LACTB2: variants seen among roughly 807,000 people sequenced by gnomAD.
LACTB2 encodes endoribonuclease LACTB2.
LACTB2 carries 32 observed loss-of-function variants against 34.8 expected under a neutral mutation model. That is an observed-to-expected ratio of 0.92 (90% CI 0.69 to 1.24). The LOEUF (loss-of-function observed/expected upper bound fraction) is 1.24, where lower values mean the gene tolerates loss of function less well. LACTB2 is among the 50% of genes most tolerant of loss of function. The pLI, the probability that LACTB2 is intolerant of heterozygous loss-of-function variation, is 0.00. For missense variants in LACTB2, 320 were observed against 345.0 expected (o/e 0.93, Z 0.57); for synonymous variants, 120 against 117.5 (o/e 1.02, Z -0.14).
chr8:70,655,245 G>T (rs186224786), intron 3 of LACTB2, among the ~76,000 whole-genome samples: 2,401 of 146,998 alleles, frequency 0.016, 63 homozygotes, highest in African/African-American at 0.058. Flanking sequence ...TTGAGAGGGA[G>T]TTTCACTCTT....
chr8:70,655,753 T>C (rs550914560), intron 3 of LACTB2, among the ~76,000 whole-genome samples: 2 of 152,352 alleles, frequency 1.3e-5, no homozygotes, highest in East Asian at 3.9e-4. Context: ...GTTCTACTTT[T>C]AGTTCTTTAA....
chr8:70,665,277 A>T lies in LACTB2; in HGVS notation c.123-3380T>A, dbSNP rs538326665. On this transcript the variant is annotated intron_variant, in intron 1 of 6. Coordinates refer to ENST00000276590, the MANE Select transcript of LACTB2 (RefSeq NM_016027.3). ...GGGAAGAGTATGGATGAATCTGTAT[A>T]GGTCTATGAACGATTTATTCACTAG... 1.4e-4 allele frequency among the ~76,000 whole-genome samples: 21 copies of T among 152,348 alleles called. No homozygotes were observed. The South Asian group carries it at 4.1e-3, about 30-fold the overall frequency.
rs537591341 is a variant in LACTB2, at chr8:70,657,669, TC to T, written c.413+86del. On this transcript the variant is annotated intron_variant, in intron 3 of 6. Transcript: ENST00000276590. Reference sequence around the variant, plus strand: ...CTCAAACGATCTTCCCATCTCAGCCTCCCAAAATGCTGGGATCCTTCCATCC... The same window carrying T: ...CTCAAACGATCTTCCCATCTCAGCCTCCAAAATGCTGGGATCCTTCCATCC... 8.4e-5 allele frequency: 109 copies of T among 1,295,520 alleles called. 1 individual carries two copies. In the African/African-American group the frequency reaches 1.5e-3, roughly 18 times the overall value. The allele number at this position is 1,295,520 out of a possible 1,614,324, so 80.3% of individuals were successfully genotyped here.
At chr8:70,655,712 C>T (rs1818403754) in intron 3 of LACTB2, among the ~76,000 whole-genome samples, 1 of 152,168 alleles carries the variant, frequency 6.6e-6, no homozygotes, top group Non-Finnish European at 1.5e-5. Context: ...TGGGTAGACA[C>T]CCAGTAGCTG....
At chr8:70,663,740 G>A (rs1304414256) in intron 1 of LACTB2, among the ~76,000 whole-genome samples, 4 of 152,042 alleles carry the variant, frequency 2.6e-5, no homozygotes, top group Non-Finnish European at 5.9e-5. Context: ...AGTTTGACTC[G>A]GGTCAGAGTG....
chr8:70,642,354 C>G (rs574150480), intron 4 of LACTB2, among the ~76,000 whole-genome samples: 1 of 152,168 alleles, frequency 6.6e-6, no homozygotes, highest in Non-Finnish European at 1.5e-5. Context: ...GCAGTAGGAA[C>G]TCATCGCAGA....
chr8:70,651,079 C>T (rs1818336996), intron 3 of LACTB2, among the ~76,000 whole-genome samples: 1 of 151,822 alleles, frequency 6.6e-6, no homozygotes, highest in Non-Finnish European at 1.5e-5. Flanking sequence ...GAAGTTTCTC[C>T]TTTACCATAA....
At chr8:70,660,918 C>T in intron 2 of LACTB2, 1 of 455,790 alleles carries the variant, frequency 2.2e-6, no homozygotes. Context: ...GCTGGGACTG[C>T]AGGTGCACGC....
chr8:70,651,384 A>G lies in LACTB2; in HGVS notation c.413+6372T>C, dbSNP rs118108820. On this transcript the variant is annotated intron_variant, in intron 3 of 6. Transcript: ENST00000276590. ...CTTGCTGCAAGCTGTTAATAGAAGT[A>G]TTCAATGTTATATGAAAATAATTCC... 7.8e-4 allele frequency among the ~76,000 whole-genome samples: 119 copies of G among 152,348 alleles called. No individual in the cohort carries two copies. The East Asian group carries it at 0.02, about 26-fold the overall frequency.
chr8:70,656,422 C>T (rs1218616934), intron 3 of LACTB2, among the ~76,000 whole-genome samples: 2 of 152,152 alleles, frequency 1.3e-5, no homozygotes, highest in Non-Finnish European at 2.9e-5. Context: ...ATCCCGCCAC[C>T]ATTTATTGAA....
intron 1 of LACTB2, among the ~76,000 whole-genome samples, chr8:70,665,727 T>C (rs997693595): frequency 3.3e-5 from 5 of 152,256 alleles, no homozygotes; most frequent in African/African-American, 1.2e-4. Flanking sequence ...CAAAGTCATA[T>C]GGCTAGTAAA....
intron 4 of LACTB2, 95 bp downstream of exon 4, chr8:70,643,970 T>G: frequency 3.7e-5 from 47 of 1,259,804 alleles, no homozygotes; most frequent in Non-Finnish European, 4.6e-5. Context: ...GAGGACTGCT[T>G]GAGGTCAGGA....
chr8:70,660,667 T>G, intron 2 of LACTB2: 1 of 456,392 alleles, frequency 2.2e-6, no homozygotes, highest in Non-Finnish European at 4.4e-6. Context: ...TGCCAGGAGC[T>G]TGCTCCTTCT....
rs1818305707 is a variant in LACTB2, at chr8:70,649,170, AC to A, written c.414-4928del. Among the ~76,000 whole-genome samples, 13 of 152,138 alleles carry A rather than the reference AC, an allele frequency of 8.5e-5. 1 individual carries two copies. Among genetic ancestry groups the A allele is most frequent in the Admixed American group, 8.5e-4 (13 of 15,260 alleles). On this transcript the variant is annotated intron_variant, in intron 3 of 6. Transcript: ENST00000276590. ...GCTACTGGAGATGGGTTCCCCTAAA[AC>A]AGAGGGGGTTTTAAGAAACTTATGG...
rs193205936 is a variant in LACTB2, at chr8:70,646,641, A to G, written c.414-2398T>C. On this transcript the variant is annotated intron_variant, in intron 3 of 6. Transcript: ENST00000276590. ...GTTTTTGTTGACAAAACTGATTATA[A>G]TACTTTTAAAGTATGACAGGTATTT... 2.6e-5 allele frequency: 4 copies of G among 152,312 alleles called. No homozygotes were observed. In the East Asian group the frequency reaches 7.7e-4, roughly 29 times the overall value. 9.4% of individuals were successfully genotyped at this position (152,312 alleles called of 1,614,324 possible).
intron 3 of LACTB2, 31 bp from the exon 4 acceptor site, chr8:70,644,274 CA>C (rs769367077): frequency 1.4e-6 from 2 of 1,418,624 alleles, no homozygotes; most frequent in Non-Finnish European, 1.9e-6. Context: ...GGAATAATAA[CA>C]ATTATGAACT....
intron 3 of LACTB2, among the ~76,000 whole-genome samples, chr8:70,651,162 T>C (rs1369320471): frequency 6.6e-6 from 1 of 152,118 alleles, no homozygotes; most frequent in Non-Finnish European, 1.5e-5. Flanking sequence ...AATAATATAA[T>C]AGATATAAGG....
At position 70,659,077 on chromosome 8, in the gene LACTB2, A is replaced by G. The variant is rs1315972099; in HGVS notation, c.287-1195T>C. The stretch of plus-strand genomic sequence containing the variant: ...ATGAGCATGACATATGTGTGACAAC[A>G]TAATGCTACCAACTTTCTACTGCAA... On this transcript the variant is annotated intron_variant, in intron 2 of 6. Coordinates refer to ENST00000276590, the MANE Select transcript of LACTB2 (RefSeq NM_016027.3). Among the ~76,000 whole-genome samples, 3 of 152,204 alleles carry G rather than the reference A, an allele frequency of 2.0e-5. No individual in the cohort carries two copies. The East Asian group carries it at 5.8e-4, about 29-fold the overall frequency.
Position 70,637,568 on chromosome 8 carries a change from T to C in LACTB2, c.*292A>G, listed in dbSNP as rs1586780339. The C allele has an allele frequency of 5.5e-6, 1 of 181,172 alleles. No individual in the cohort carries two copies. The highest frequency in any genetic ancestry group is 1.3e-4 in the East Asian group (1 of 7,742). 11.2% of individuals were successfully genotyped at this position (181,172 alleles called of 1,614,324 possible). A position where few individuals can be genotyped will look rare whatever the true frequency, so the allele number is the denominator to read the frequency against. On this transcript the variant is annotated 3_prime_UTR_variant, in exon 7 of 7. Coordinates refer to ENST00000276590, the MANE Select transcript of LACTB2 (RefSeq NM_016027.3). Reference sequence around the variant, plus strand: ...AAAATAATATCAACTTTAAATTAGATAAATTTTATTATTTTTAAAGTAATC... The same window carrying C: ...AAAATAATATCAACTTTAAATTAGACAAATTTTATTATTTTTAAAGTAATC...
Sources: allele counts gnomAD v4.1 joint callset (sites outside exome capture counted in the v4.1 genomes callset), GRCh38; gene constraint gnomAD v4.1.1; transcripts MANE v1.5; gene names NCBI Gene and HGNC (gene_info 2026-07-23, HGNC 2026-07-21).